Variants in ARHGEF17 observed in about 807,000 individuals in gnomAD.
The protein encoded by ARHGEF17 is Rho guanine nucleotide exchange factor 17, also known as 164 kDa Rho-specific guanine-nucleotide exchange factor.
A neutral mutation model predicts 174.0 loss-of-function variants in ARHGEF17; 80 were observed. The observed-to-expected ratio is 0.46, with a 90% CI of 0.38 to 0.55. The LOEUF (loss-of-function observed/expected upper bound fraction) is 0.55. ARHGEF17 is among the 20% of genes least tolerant of loss of function. The pLI is 0.00. For synonymous variants in ARHGEF17, 1,311 were observed against 1,189.1 expected (o/e 1.10, Z -2.11); for missense variants, 2,886 against 2,839.7 (o/e 1.02, Z -0.37).
rs76764824 is a variant in ARHGEF17 at position 73,362,535 on chromosome 11, C to T, written c.4797C>T (p.Leu1599=). 148,753 of 1,606,554 alleles carry T rather than the reference C, an allele frequency of 0.093. 7,845 individuals are homozygous for T. Among genetic ancestry groups the T allele is most frequent in the Non-Finnish European group, 0.1 (121,896 of 1,178,716 alleles). ...CTGCAGACGAGGAAGCCGCGACGCT[C>T]GCGGAGCCGGGGCCGCAGCCCTGCC... ...EAAADEEAAT[L]AEPGPQPCLH... is the part of the protein sequence containing the mutation. The change falls in exon 14 of 21, where the codon CTC becomes CTT. Residue 1599 remains leucine, a synonymous_variant. Transcript: ENST00000263674.
intron 1 of ARHGEF17, among the ~76,000 whole-genome samples, chr11:73,342,024 C>T (rs564934407): frequency 6.6e-6 from 1 of 152,258 alleles, no homozygotes; most frequent in Admixed American, 6.5e-5. Flanking sequence ...ATAGGTTCTG[C>T]TGTCACTCTG....
intron 2 of ARHGEF17, among the ~76,000 whole-genome samples, chr11:73,352,374 C>A (rs1216261851): frequency 1.3e-5 from 2 of 152,126 alleles, no homozygotes; most frequent in Non-Finnish European, 2.9e-5. Flanking sequence ...TAAAAAATTT[C>A]TTCCGTTTGT....
At chr11:73,347,897 G>A (rs960088816) in intron 2 of ARHGEF17, among the ~76,000 whole-genome samples, 6 of 152,330 alleles carry the variant, frequency 3.9e-5, no homozygotes, top group African/African-American at 9.6e-5. Context: ...CAGGCCAGGC[G>A]TGGTAACTGG....
chr11:73,309,569 G>A lies in ARHGEF17; in HGVS notation c.931G>A (p.Asp311Asn). The A allele has an allele frequency of 6.2e-7, 1 of 1,608,510 alleles. No individual in the cohort carries two copies. The highest frequency in any genetic ancestry group is 8.5e-7 in the Non-Finnish European group (1 of 1,176,434). Residue 311 changes from aspartate (D) to asparagine (N), a missense_variant, in exon 1 of 21, where the codon GAT (aspartate) becomes AAT (asparagine). Coordinates refer to ENST00000263674, the MANE Select transcript of ARHGEF17 (RefSeq NM_014786.4). The stretch of plus-strand genomic sequence containing the variant: ...GGATCAGGACTGCAGGCCTGACAGT[G>A]ATGGGTTAAATCTAAGCAGCATGAA... ...LLDQDCRPDS[D>N]GLNLSSMNSA...
At chr11:73,313,750 G>A (rs770189173) in intron 1 of ARHGEF17, among the ~76,000 whole-genome samples, 55 of 152,332 alleles carry the variant, frequency 3.6e-4, no homozygotes, top group Non-Finnish European at 7.1e-4. Flanking sequence ...CAGGGTGTGA[G>A]CCTTGCTCTT....
intron 18 of ARHGEF17, 130 bp downstream of exon 18, chr11:73,364,730 G>A: frequency 8.0e-7 from 1 of 1,243,222 alleles, no homozygotes; most frequent in Non-Finnish European, 1.1e-6. Flanking sequence ...TGACCACAGA[G>A]TGACGCTGGC....
chr11:73,310,285 C>A lies in ARHGEF17; in HGVS notation c.1647C>A (p.Cys549Ter). 6.2e-7 allele frequency: 1 copy of A among 1,613,994 alleles called. No individual in the cohort carries two copies. ...TGCGGAGAGCAAAGTCATTCACCTGCTCTGAGAAGCCCATGGCCCGCCGCC... is the reference window on the plus strand; with the variant it reads ...TGCGGAGAGCAAAGTCATTCACCTGATCTGAGAAGCCCATGGCCCGCCGCC... Reference protein sequence around the residue: ...ATLRRAKSFTCSEKPMARRLP... With the variant: ...ATLRRAKSFT The change falls in exon 1 of 21, where the codon TGC (cysteine) becomes TGA (stop). Residue 549 changes from cysteine to a stop codon, truncating the protein, a stop_gained. Transcript: ENST00000263674. LOFTEE classifies it high-confidence loss of function.
intron 13 of ARHGEF17, 43 bp from the exon 14 acceptor site, chr11:73,362,390 T>C: frequency 6.7e-7 from 1 of 1,488,128 alleles, no homozygotes; most frequent in Non-Finnish European, 8.9e-7. Flanking sequence ...CGGGGCCCCG[T>C]CTGGCTCGTA....
rs866717862 is a variant in ARHGEF17, at chr11:73,308,648, G to C, written c.10G>C (p.Gly4Arg). MAD[G>R]APRPQLYRSV... is the part of the protein sequence containing the mutation. ...AGTGAGTTACGCCACTATGGCGGAC[G>C]GGGCACCCCGGCCCCAGCTTTACCG... Residue 4 changes from glycine (G) to arginine (R), a missense_variant, in exon 1 of 21, where the codon GGG becomes CGG. Gly to Arg is a moderately radical substitution (Grantham distance 125). Coordinates refer to ENST00000263674, the MANE Select transcript of ARHGEF17 (RefSeq NM_014786.4). The C allele has an allele frequency of 6.7e-7, 1 of 1,497,720 alleles. No homozygotes were observed. The allele number at this position is 1,497,720 out of a possible 1,614,324, so 92.8% of individuals were successfully genotyped here. A position where few individuals can be genotyped will look rare whatever the true frequency, so the allele number is the denominator to read the frequency against.
chr11:73,308,784 C>T lies in ARHGEF17; in HGVS notation c.146C>T (p.Ala49Val). 1 of 1,410,260 alleles carries T rather than the reference C, an allele frequency of 7.1e-7. No individual in the cohort carries two copies. Among genetic ancestry groups the T allele is most frequent in the Non-Finnish European group, 9.2e-7 (1 of 1,090,388 alleles). The allele number at this position is 1,410,260 out of a possible 1,614,324, so 87.4% of individuals were successfully genotyped here. A position where few individuals can be genotyped will look rare whatever the true frequency, so the allele number is the denominator to read the frequency against. The change falls in exon 1 of 21, where the codon GCT becomes GTT. Residue 49 changes from alanine to valine, a missense_variant. Coordinates refer to ENST00000263674, the MANE Select transcript of ARHGEF17 (RefSeq NM_014786.4). ...RRRASCRPTTAARGQPSRRVS... is the reference protein window; with the variant it reads ...RRRASCRPTTVARGQPSRRVS... ...CGCGCCTCGTGCCGGCCGACCACGG[C>T]TGCCCGGGGCCAGCCCTCTCGGCGC...
chr11:73,355,717 G>T, intron 4 of ARHGEF17, 68 bp downstream of exon 4: 1 of 1,563,164 alleles, frequency 6.4e-7, no homozygotes, highest in Non-Finnish European at 8.8e-7. Flanking sequence ...GGCCCCAGGA[G>T]CTCCCAGCGT....
chr11:73,363,063 C>A, intron 14 of ARHGEF17, 143 bp from the exon 15 acceptor site: 1 of 1,192,800 alleles, frequency 8.4e-7, no homozygotes, highest in Non-Finnish European at 1.1e-6. Context: ...GGCAGCAGGG[C>A]AGCAGACCGG....
At chr11:73,338,472 C>T (rs1865320076) in intron 1 of ARHGEF17, among the ~76,000 whole-genome samples, 1 of 152,122 alleles carries the variant, frequency 6.6e-6, no homozygotes, top group Non-Finnish European at 1.5e-5. Flanking sequence ...CCGTACCAAC[C>T]CTATGCTTGT....
At position 73,315,905 on chromosome 11, in the gene ARHGEF17, C is replaced by T. The variant is rs187337029; in HGVS notation, c.3192+4075C>T. Among the ~76,000 whole-genome samples, 8 of 152,306 alleles carry T rather than the reference C, an allele frequency of 5.3e-5. No individual in the cohort carries two copies. The South Asian group carries it at 1.0e-3, about 20-fold the overall frequency. On this transcript the variant is annotated intron_variant, in intron 1 of 20. Coordinates refer to ENST00000263674, the MANE Select transcript of ARHGEF17 (RefSeq NM_014786.4). ...AATCCTGTCCCCAGCCCCCTCTCCCCGTGTAGGGACTTACCCCTCCTGCTT... is the reference window on the plus strand; with the variant it reads ...AATCCTGTCCCCAGCCCCCTCTCCCTGTGTAGGGACTTACCCCTCCTGCTT...
In ARHGEF17 at chr11:73,362,149, C is replaced by T. The variant is rs762991336; in HGVS notation, c.4604C>T (p.Ala1535Val). 36 of 1,606,934 alleles carry T rather than the reference C, an allele frequency of 2.2e-5. 1 individual carries two copies. The South Asian group carries it at 4.0e-4, about 18-fold the overall frequency. The change falls in exon 13 of 21, where the codon GCC (alanine) becomes GTC (valine). Residue 1535 changes from alanine (A) to valine (V), a missense_variant. This residue lies in a region of ARHGEF17 where 476 missense variants were observed against 473.1 expected (regional missense o/e 1.01). Coordinates refer to ENST00000263674, the MANE Select transcript of ARHGEF17 (RefSeq NM_014786.4). ...VGQVCLLSLR[A>V]EPDVEACIAV... ...CAGGTGTGCCTGCTGAGCCTGCGCG[C>T]CGAGCCGGACGTGGAGGCCTGCATC...
chr11:73,325,016 A>G (rs545635673), intron 1 of ARHGEF17, among the ~76,000 whole-genome samples: 1 of 151,950 alleles, frequency 6.6e-6, no homozygotes, highest in South Asian at 2.1e-4. Flanking sequence ...AACTCAGCCC[A>G]GGAGTTTGGG....
intron 1 of ARHGEF17, 151 bp from the exon 2 acceptor site, chr11:73,346,732 G>A (rs1865466803): frequency 3.7e-6 from 2 of 544,288 alleles, no homozygotes; most frequent in South Asian, 3.7e-5. Flanking sequence ...GGGGGCCTCG[G>A]GGGAACAGCC....
Position 73,309,883 on chromosome 11 carries a change from G to C in ARHGEF17, c.1245G>C (p.Val415=), listed in dbSNP as rs764392843. ...WSSRGSGGWG[V]YRSPSFGAGE... Reference sequence around the variant, plus strand: ...GTAGGGGTTCTGGGGGCTGGGGCGTGTACCGCTCCCCTAGCTTTGGAGCTG... The same window carrying C: ...GTAGGGGTTCTGGGGGCTGGGGCGTCTACCGCTCCCCTAGCTTTGGAGCTG... Residue 415 remains valine, a synonymous_variant, in exon 1 of 21, where the codon GTG becomes GTC. Transcript: ENST00000263674. The C allele has an allele frequency of 6.2e-7, 1 of 1,613,152 alleles. No homozygotes were observed. Among genetic ancestry groups the C allele is most frequent in the Non-Finnish European group, 8.5e-7 (1 of 1,179,844 alleles).
chr11:73,319,298 G>T (rs181665756), intron 1 of ARHGEF17, among the ~76,000 whole-genome samples: 1 of 151,946 alleles, frequency 6.6e-6, no homozygotes, highest in African/African-American at 2.4e-5. Context: ...TCTTGACCTC[G>T]TGATCCGCCT....
Sources: gnomAD v4.1 joint callset for allele counts (sites outside exome capture counted in the v4.1 genomes callset) on GRCh38, gnomAD v4.1.1 for gene constraint, gnomAD v4.1.1 regional missense constraint, MANE v1.5 for transcripts, NCBI Gene and HGNC (gene_info 2026-07-23, HGNC 2026-07-21) for gene names.